HECTD4: variants seen among roughly 807,000 people sequenced by gnomAD.
HECTD4 encodes the protein HECT domain E3 ubiquitin protein ligase 4.
In HECTD4, 114 loss-of-function variants were observed where a neutral mutation model predicts 471.5. The ratio of observed to expected loss-of-function variants is 0.24; its 90% CI spans 0.21 to 0.28. HECTD4 has a LOEUF of 0.28. Ranked by LOEUF, HECTD4 falls within the 10% of genes least tolerant of loss-of-function variation. The pLI, the probability that HECTD4 is intolerant of heterozygous loss-of-function variation, is 1.00. For missense variants in HECTD4, 3,866 were observed against 5,651.5 expected (o/e 0.68, Z 10.13); for synonymous variants, 2,012 against 2,256.0 (o/e 0.89, Z 3.07).
At chr12:112,323,123 A>T (rs2035619363) in intron 1 of HECTD4, 1 of 183,880 alleles carries the variant, frequency 5.4e-6, no homozygotes, top group Admixed American at 6.3e-5. Flanking sequence ...CATGCCTGTT[A>T]TCCCAGCACT....
intron 5 of HECTD4, among the ~76,000 whole-genome samples, 170 bp from the exon 6 acceptor site, chr12:112,309,061 A>G (rs990874291): frequency 2.0e-5 from 3 of 152,234 alleles, no homozygotes; most frequent in African/African-American, 7.2e-5. Flanking sequence ...CTGCCAAACT[A>G]TAGCAAATAT....
intron 1 of HECTD4, among the ~76,000 whole-genome samples, chr12:112,346,848 T>A (rs1410592397): frequency 2.6e-5 from 4 of 152,200 alleles, no homozygotes; most frequent in African/African-American, 9.7e-5. Flanking sequence ...AATTTCACAT[T>A]CCTAAATCAG....
Position 112,184,380 on chromosome 12 carries a change from G to A in HECTD4, c.10586C>T (p.Ala3529Val), listed in dbSNP as rs373540806. The change falls in exon 61 of 76, where the codon GCG becomes GTG. Residue 3529 changes from alanine to valine, a missense_variant. By Grantham distance (64) the Ala-to-Val change is moderately conservative (BLOSUM62 0). Coordinates refer to ENST00000682272, the MANE Select transcript of HECTD4 (RefSeq NM_001388303.1). The surrounding 1 kb of genome is among the most constrained non-coding windows in gnomAD (Gnocchi z 9.1). Reference sequence around the variant, plus strand: ...GTCCAGGCTTTCCTGGCTGGACACCGCGTGGGGCTCCAACAGGCCCGGAGG... The same window carrying A: ...GTCCAGGCTTTCCTGGCTGGACACCACGTGGGGCTCCAACAGGCCCGGAGG... ...PIPPGLLEPH[A>V]VSSQESLDIS... 1.2e-5 allele frequency: 20 copies of A among 1,610,314 alleles called. No individual in the cohort carries two copies. The highest frequency in any genetic ancestry group is 4.5e-5 in the East Asian group (2 of 44,854).
chr12:112,197,435 A>T (rs931036091), intron 55 of HECTD4, among the ~76,000 whole-genome samples: 1 of 152,220 alleles, frequency 6.6e-6, no homozygotes, highest in African/African-American at 2.4e-5. Flanking sequence ...CTCTTACCTC[A>T]GCCTCCCACT....
chr12:112,367,820 C>CAAAAAA lies in HECTD4; in HGVS notation c.177+14126_177+14131dup, dbSNP rs59590181. ...TGGGCAACAGAGGGAGACTCCATCT[C>CAAAAAA]AAAAAAAAAAAAAAAAAAAAAAAAA... On this transcript the variant is annotated intron_variant, in intron 1 of 75. Coordinates refer to ENST00000682272, the MANE Select transcript of HECTD4 (RefSeq NM_001388303.1). Among the ~76,000 whole-genome samples the CAAAAAA allele has an allele frequency of 5.6e-4, 7 of 12,574 alleles. 1 individual carries two copies. Among genetic ancestry groups the CAAAAAA allele is most frequent in the Admixed American group, 2.8e-3 (2 of 714 alleles). 8.2% of individuals were successfully genotyped at this position (12,574 alleles called of 152,430 possible).
At chr12:112,224,643 T>G (rs2033186662) in intron 44 of HECTD4, among the ~76,000 whole-genome samples, 1 of 152,216 alleles carries the variant, frequency 6.6e-6, no homozygotes, top group South Asian at 2.1e-4. Context: ...TTCTCTTTTG[T>G]AGTAATTAAC....
At chr12:112,309,433 A>C in intron 5 of HECTD4, 128 bp downstream of exon 5, 1 of 516,078 alleles carries the variant, frequency 1.9e-6, no homozygotes, top group East Asian at 3.1e-5. Context: ...TATTTGAATT[A>C]GTTCAGACTT....
chr12:112,324,313 TCTCC>T (rs1434553427), intron 1 of HECTD4, among the ~76,000 whole-genome samples: 13 of 149,992 alleles, frequency 8.7e-5, no homozygotes, highest in Non-Finnish European at 1.5e-5. Flanking sequence ...GAGATGGGGG[TCTCC>T]CTACATTGCC....
At position 112,382,138 on chromosome 12, in the gene HECTD4, T is replaced by C. The variant is rs1222496931; in HGVS notation, c.-10A>G. The C allele has an allele frequency of 1.1e-5, 13 of 1,209,426 alleles. No homozygotes were observed. Among genetic ancestry groups the C allele is most frequent in the Non-Finnish European group, 1.3e-5 (13 of 979,370 alleles). The allele number at this position is 1,209,426 out of a possible 1,614,324, so 74.9% of individuals were successfully genotyped here. A position where few individuals can be genotyped will look rare whatever the true frequency, so the allele number is the denominator to read the frequency against. ...CCGCCGACGAGCCCATGGCCCCGGC[T>C]GAAGGCTTGGCGCTGAGGAGCAGAC... On this transcript the variant is annotated 5_prime_UTR_variant, in exon 1 of 76. Transcript: ENST00000682272.
chr12:112,348,754 G>A (rs1008758752), intron 1 of HECTD4, among the ~76,000 whole-genome samples: 2 of 151,104 alleles, frequency 1.3e-5, no homozygotes, highest in Non-Finnish European at 2.9e-5. Context: ...TATCTTTTGG[G>A]GAAAAAAAAG....
At chr12:112,344,720 A>T (rs1594061691) in intron 1 of HECTD4, among the ~76,000 whole-genome samples, 1 of 152,134 alleles carries the variant, frequency 6.6e-6, no homozygotes, top group Non-Finnish European at 1.5e-5. Flanking sequence ...GGAGTTCAAG[A>T]CCAGCCTGAC....
chr12:112,338,534 C>T (rs566419161), intron 1 of HECTD4, among the ~76,000 whole-genome samples: 38 of 152,142 alleles, frequency 2.5e-4, no homozygotes, highest in African/African-American at 8.4e-4. Context: ...GGCAGAGAAT[C>T]GCTTGAACCC....
chr12:112,193,246 TC>T lies in HECTD4; in HGVS notation c.8956-56del, dbSNP rs2032142392. ...ACGGGCTAAACACAGGGACAGCATT[TC>T]ATCTTCTCATCTCACATGGCCCAGG... On this transcript the variant is annotated intron_variant, in intron 57 of 75. Transcript: ENST00000682272. This position sits in a 1 kb window ranked among gnomAD's most constrained non-coding sequence, Gnocchi z 5.2. The T allele has an allele frequency of 6.3e-7, 1 of 1,590,326 alleles. No homozygotes were observed. The highest frequency in any genetic ancestry group is 8.6e-7 in the Non-Finnish European group (1 of 1,166,544).
intron 60 of HECTD4, among the ~76,000 whole-genome samples, chr12:112,189,041 T>C (rs57168159): frequency 0.14 from 21,335 of 152,122 alleles, 1,852 homozygotes; most frequent in African/African-American, 0.24. Context: ...CTGGGTGTTT[T>C]TTATTTTTTG....
intron 28 of HECTD4, among the ~76,000 whole-genome samples, 183 bp from the exon 29 acceptor site, chr12:112,247,259 C>G (rs2033783665): frequency 6.6e-6 from 1 of 152,226 alleles, no homozygotes; most frequent in Admixed American, 6.5e-5. Flanking sequence ...CTGGCCACTT[C>G]TGGCTCCTTT....
chr12:112,195,608 G>C (rs1297410323), intron 55 of HECTD4, among the ~76,000 whole-genome samples: 1 of 152,202 alleles, frequency 6.6e-6, no homozygotes, highest in African/African-American at 2.4e-5. Flanking sequence ...TGGGAAAGGA[G>C]GATGGGAAGT....
intron 1 of HECTD4, among the ~76,000 whole-genome samples, chr12:112,378,347 T>G (rs996642319): frequency 6.6e-6 from 1 of 151,804 alleles, no homozygotes; most frequent in Non-Finnish European, 1.5e-5. Flanking sequence ...GCCTCCCGAG[T>G]AGCTGGGACT....
intron 18 of HECTD4, among the ~76,000 whole-genome samples, chr12:112,260,663 G>A (rs1052512690): frequency 2.0e-5 from 3 of 150,870 alleles, no homozygotes; most frequent in East Asian, 1.9e-4. Flanking sequence ...TGCAAGCTCC[G>A]CCTCCCAGGT....
chr12:112,161,385 T>G lies in HECTD4; in HGVS notation c.*1002A>C, dbSNP rs953708469. Reference sequence around the variant, plus strand: ...TGGAGTCTCCATCTGGACTTGAGTGTCTGGGTCACTAAAGCAGACCCCAAA... The same window carrying G: ...TGGAGTCTCCATCTGGACTTGAGTGGCTGGGTCACTAAAGCAGACCCCAAA... On this transcript the variant is annotated 3_prime_UTR_variant, in exon 76 of 76. Coordinates refer to ENST00000682272, the MANE Select transcript of HECTD4 (RefSeq NM_001388303.1). The G allele has an allele frequency of 2.0e-5, 3 of 152,200 alleles. No individual in the cohort carries two copies. The highest frequency in any genetic ancestry group is 7.2e-5 in the African/African-American group (3 of 41,406). The allele number at this position is 152,200 out of a possible 1,614,324, so 9.4% of individuals were successfully genotyped here.
Sources: allele counts gnomAD v4.1 joint callset (sites outside exome capture counted in the v4.1 genomes callset), GRCh38; gene constraint gnomAD v4.1.1; non-coding constraint Gnocchi (gnomAD v3.1); transcripts MANE v1.5; gene names NCBI Gene and HGNC (gene_info 2026-07-23, HGNC 2026-07-21).